Variants in POT1 observed in about 807,000 individuals in gnomAD.
The protein encoded by POT1 is protection of telomeres 1, also known as protection of telomeres protein 1.
A neutral mutation model predicts 78.5 loss-of-function variants in POT1; 47 were observed. The observed-to-expected ratio is 0.60, with a 90% CI of 0.47 to 0.76. The LOEUF (loss-of-function observed/expected upper bound fraction) is 0.76, where lower values mean the gene tolerates loss of function less well. POT1 is among the 30% of genes least tolerant of loss of function. The probability of loss-of-function intolerance (pLI) is 0.00; values close to 1 mark genes in which losing one functional copy is unlikely to be tolerated. For missense variants in POT1, 646 were observed against 749.9 expected, an observed-to-expected ratio of 0.86 and a Z score of 1.62; for synonymous variants, 259 against 260.7, an observed-to-expected ratio of 0.99 and a Z score of 0.06.
chr7:124,913,649 T>C lies in POT1; in HGVS notation c.-154+1925A>G, dbSNP rs1383455172. Among the ~76,000 whole-genome samples, 3 of 152,346 alleles carry C rather than the reference T, an allele frequency of 2.0e-5. No individual in the cohort carries two copies. The East Asian group carries it at 5.8e-4, about 29-fold the overall frequency. On this transcript the variant is annotated intron_variant, in intron 3 of 18. Coordinates refer to ENST00000357628, the MANE Select transcript of POT1 (RefSeq NM_015450.3). ...TAATCCATTTTAGTTAAATTTTGTA[T>C]ATAATGTAAGGTAAGAATCTAATTT...
chr7:124,850,498 C>T (rs935811162), intron 11 of POT1, among the ~76,000 whole-genome samples: 4 of 152,104 alleles, frequency 2.6e-5, no homozygotes, highest in Admixed American at 2.0e-4. Flanking sequence ...GAGCCCGAGG[C>T]GGGCGGATCA....
rs564498874 is a variant in POT1 at position 124,902,699 on chromosome 7, C to A, written c.-153-4325G>T. ...AATATTAACCTTAAATGTAAATGGG[C>A]TAAATGCTCCAATTAAAAGACACAG... On this transcript the variant is annotated intron_variant, in intron 3 of 18. Coordinates refer to ENST00000357628, the MANE Select transcript of POT1 (RefSeq NM_015450.3). 1.3e-5 allele frequency among the ~76,000 whole-genome samples: 2 copies of A among 152,224 alleles called. 1 individual carries two copies. The highest frequency in any genetic ancestry group is 4.1e-4 in the South Asian group (2 of 4,820).
chr7:124,865,048 ACT>A (rs1795687647), intron 7 of POT1, among the ~76,000 whole-genome samples: 1 of 152,004 alleles, frequency 6.6e-6, no homozygotes, highest in South Asian at 2.1e-4. Context: ...TTTTTATTTT[ACT>A]CTCATTCCTG....
rs187677231 is a variant in POT1 at position 124,849,147 on chromosome 7, C to A, written c.950-2149G>T. ...GGTATAAAAATCCAAGTCAAGAGGA[C>A]TTGAATGGACATCTCAAGCTGGCAT... On this transcript the variant is annotated intron_variant, in intron 11 of 18. Transcript: ENST00000357628. Among the ~76,000 whole-genome samples the A allele has an allele frequency of 2.5e-3, 377 of 152,172 alleles. 1 individual carries two copies. Among genetic ancestry groups the A allele is most frequent in the African/African-American group, 8.9e-3 (368 of 41,554 alleles).
chr7:124,895,176 C>A (rs991743051), intron 5 of POT1, among the ~76,000 whole-genome samples: 1 of 151,474 alleles, frequency 6.6e-6, no homozygotes, highest in African/African-American at 2.4e-5. Flanking sequence ...ATGACTAGTG[C>A]AAATCATGAA....
At chr7:124,899,496 T>C (rs1796570586) in intron 3 of POT1, among the ~76,000 whole-genome samples, 1 of 152,106 alleles carries the variant, frequency 6.6e-6, no homozygotes, top group African/African-American at 2.4e-5. Flanking sequence ...TCCGAAACCT[T>C]TTATGCAGTT....
chr7:124,847,954 A>G (rs1795211171), intron 11 of POT1, among the ~76,000 whole-genome samples: 1 of 152,224 alleles, frequency 6.6e-6, no homozygotes, highest in Non-Finnish European at 1.5e-5. Flanking sequence ...CTAATAGGAA[A>G]AAGGAAACAA....
intron 3 of POT1, among the ~76,000 whole-genome samples, chr7:124,908,537 C>T (rs1369163470): frequency 1.3e-5 from 2 of 151,936 alleles, no homozygotes; most frequent in Non-Finnish European, 2.9e-5. Context: ...ATATGCTATT[C>T]TCTCTTTGCA....
At chr7:124,839,124 T>C (rs1331965294) in intron 14 of POT1, among the ~76,000 whole-genome samples, 1 of 151,984 alleles carries the variant, frequency 6.6e-6, no homozygotes, top group African/African-American at 2.4e-5. Flanking sequence ...TAAAACAGAA[T>C]AGAGAACACA....
chr7:124,836,472 AG>A (rs1475742201), intron 14 of POT1, among the ~76,000 whole-genome samples: 1 of 152,228 alleles, frequency 6.6e-6, no homozygotes, highest in African/African-American at 2.4e-5. Context: ...ACAGCCCAAA[AG>A]TTAGTCTATC....
intron 6 of POT1, among the ~76,000 whole-genome samples, chr7:124,877,462 T>A (rs532293744): frequency 6.6e-6 from 1 of 151,822 alleles, no homozygotes; most frequent in East Asian, 1.9e-4. Flanking sequence ...GATAGATAGA[T>A]AGAGAGCAGG....
At chr7:124,894,265 TA>T (rs1400605103) in intron 5 of POT1, among the ~76,000 whole-genome samples, 1 of 151,370 alleles carries the variant, frequency 6.6e-6, no homozygotes, top group Non-Finnish European at 1.5e-5. Flanking sequence ...CATCAATGAT[TA>T]AAAAAAGAAT....
chr7:124,862,352 A>G (rs1371965638), intron 8 of POT1, among the ~76,000 whole-genome samples: 4 of 152,210 alleles, frequency 2.6e-5, no homozygotes, highest in African/African-American at 9.6e-5. Context: ...TTCAGTTGTT[A>G]GCAAATGCTC....
chr7:124,875,878 C>T (rs1795979056), intron 6 of POT1, among the ~76,000 whole-genome samples: 1 of 152,104 alleles, frequency 6.6e-6, no homozygotes, highest in African/African-American at 2.4e-5. Context: ...CTTGTGATGG[C>T]ATTCTTTCAT....
Position 124,827,302 on chromosome 7 carries a change from A to T in POT1, c.1598T>A (p.Leu533Gln). The change falls in exon 17 of 19, where the codon CTG (leucine) becomes CAG (glutamine). Residue 533 changes from leucine to glutamine, a missense_variant. Around this residue, in one of 2 missense-constraint regions of POT1, gnomAD observed 394 missense variants for 408.4 expected, o/e 0.96. Coordinates refer to ENST00000357628, the MANE Select transcript of POT1 (RefSeq NM_015450.3). Reference protein sequence around the residue: ...SWIPSSVAEALGIVPLQYVFV... With the variant: ...SWIPSSVAEAQGIVPLQYVFV... ...CACATATTGGAGGGGTACAATACCC[A>T]GTGCTAGTGAAGGAAAAAAAGATCA... 1 of 1,557,806 alleles carries T rather than the reference A, an allele frequency of 6.4e-7. No homozygotes were observed. The highest frequency in any genetic ancestry group is 8.8e-7 in the Non-Finnish European group (1 of 1,140,428).
At position 124,927,629 on chromosome 7, in the gene POT1, A is replaced by G. The variant is rs775101861; in HGVS notation, c.-227+1186T>C. The stretch of plus-strand genomic sequence containing the variant: ...ACTTTCTTTCACTGACTCCTTCAAC[A>G]TGGTTCTCTTCTCTTCTATGCTTTG... On this transcript the variant is annotated intron_variant, in intron 2 of 18. Transcript: ENST00000357628. 6.0e-4 allele frequency among the ~76,000 whole-genome samples: 91 copies of G among 152,220 alleles called. 2 individuals carry two copies. Among genetic ancestry groups the G allele is most frequent in the East Asian group, 3.9e-4 (2 of 5,172 alleles).
chr7:124,832,720 G>GTTGAGACAGGAGAATCGC (rs1794797428), intron 15 of POT1, among the ~76,000 whole-genome samples: 1 of 151,712 alleles, frequency 6.6e-6, no homozygotes, highest in Non-Finnish European at 1.5e-5. Flanking sequence ...CGGCGGGGGG[G>GTTGAGACAGGAGAATCGC]TTGAGACAGG....
At chr7:124,916,971 CA>C (rs143688207) in intron 2 of POT1, among the ~76,000 whole-genome samples, 3 of 147,994 alleles carry the variant, frequency 2.0e-5, no homozygotes, top group South Asian at 2.2e-4. Flanking sequence ...GGGAGAAGGG[CA>C]AAAAAAAACA....
At chr7:124,894,591 C>T (rs1796449304) in intron 5 of POT1, among the ~76,000 whole-genome samples, 1 of 151,594 alleles carries the variant, frequency 6.6e-6, no homozygotes, top group Non-Finnish European at 1.5e-5. Flanking sequence ...TAATCATTCT[C>T]TAATGAGTTG....
Sources: gnomAD v4.1 joint callset for allele counts (sites outside exome capture counted in the v4.1 genomes callset) on GRCh38, gnomAD v4.1.1 for gene constraint, gnomAD v4.1.1 regional missense constraint, MANE v1.5 for transcripts, NCBI Gene and HGNC (gene_info 2026-07-23, HGNC 2026-07-21) for gene names.